The following IGFL2 variants were observed in gnomAD, a reference collection of about 807,000 sequenced individuals.
The protein encoded by IGFL2 is insulin growth factor-like family member 2.
A neutral mutation model predicts 13.9 loss-of-function variants in IGFL2; 7 were observed. The observed-to-expected ratio is 0.51, with a 90% CI of 0.29 to 0.95. The LOEUF (loss-of-function observed/expected upper bound fraction) is 0.95, where lower values mean the gene tolerates loss of function less well. IGFL2 is among the 40% of genes least tolerant of loss of function. The probability of loss-of-function intolerance (pLI) is 0.08; values close to 1 mark genes in which losing one functional copy is unlikely to be tolerated. For missense variants in IGFL2, 138 were observed against 147.8 expected (o/e 0.93, Z 0.34); for synonymous variants, 55 against 55.8 (o/e 0.99, Z 0.07).
the IGFL2 span, among the ~76,000 whole-genome samples, chr19:46,188,016 T>C: frequency 4.1e-4 from 62 of 152,354 alleles, no homozygotes; most frequent in African/African-American, 1.3e-3. Context: ...GTTTTTAAAT[T>C]TGAAAAATCG....
the IGFL2 span, among the ~76,000 whole-genome samples, chr19:46,178,673 A>G: frequency 7.9e-5 from 12 of 152,214 alleles, no homozygotes; most frequent in Admixed American, 7.9e-4. Flanking sequence ...CGCAAGCATT[A>G]CTTTCTACTG....
the IGFL2 span, among the ~76,000 whole-genome samples, chr19:46,192,041 C>G: frequency 6.6e-6 from 1 of 152,202 alleles, no homozygotes; most frequent in Non-Finnish European, 1.5e-5. Context: ...TCCTTTTCCA[C>G]TCTAAGCCCT....
At chr19:46,214,814 G>A in the IGFL2 span, 1 of 152,234 alleles carries the variant, frequency 6.6e-6, no homozygotes, top group Middle Eastern at 3.4e-3. Flanking sequence ...ATCTTATGTA[G>A]TAAGAATAAA....
intron 1 of IGFL2, chr19:46,159,988 A>C (rs1568432946): frequency 5.0e-6 from 1 of 199,924 alleles, no homozygotes; most frequent in African/African-American, 2.4e-5. Context: ...AAGCAAACAA[A>C]CAAAAAAAGA....
the IGFL2 span, among the ~76,000 whole-genome samples, chr19:46,204,561 C>T: frequency 2.0e-5 from 3 of 152,184 alleles, no homozygotes; most frequent in Non-Finnish European, 4.4e-5. Context: ...CAGCCCTGCT[C>T]CCTGTCCTCA....
At chr19:46,122,310 A>G in the IGFL2 span, among the ~76,000 whole-genome samples, 1 of 151,058 alleles carries the variant, frequency 6.6e-6, no homozygotes. Context: ...GAAACTTGTC[A>G]AAATATTTTT....
At chr19:46,135,315 T>C in the IGFL2 span, among the ~76,000 whole-genome samples, 9 of 152,342 alleles carry the variant, frequency 5.9e-5, no homozygotes, top group South Asian at 2.1e-4. Flanking sequence ...TTGATGATCA[T>C]GTCTCCTTTG....
chr19:46,205,358 T>C, the IGFL2 span, among the ~76,000 whole-genome samples: 1 of 152,176 alleles, frequency 6.6e-6, no homozygotes, highest in Non-Finnish European at 1.5e-5. Flanking sequence ...AAATGGCAGC[T>C]CCATCTTCCC....
chr19:46,108,036 G>T, the IGFL2 span, among the ~76,000 whole-genome samples: 1 of 152,226 alleles, frequency 6.6e-6, no homozygotes, highest in Non-Finnish European at 1.5e-5. Flanking sequence ...GTACAAAACT[G>T]TAAGCCAGAC....
At chr19:46,137,278 A>G in the IGFL2 span, 29 of 1,194,850 alleles carry the variant, frequency 2.4e-5, no homozygotes, top group Non-Finnish European at 3.5e-5. Flanking sequence ...GCATGTCAGG[A>G]TGCGTACACC....
the IGFL2 span, chr19:46,209,996 G>A: frequency 1.1e-4 from 17 of 152,300 alleles, no homozygotes; most frequent in Admixed American, 7.8e-4. Context: ...GGGGCTGCAG[G>A]GGGGGAGCGG....
At chr19:46,090,904 A>G in the IGFL2 span, among the ~76,000 whole-genome samples, 4 of 152,168 alleles carry the variant, frequency 2.6e-5, no homozygotes, top group Non-Finnish European at 5.9e-5. Flanking sequence ...AAGATCCAGT[A>G]TTAGGGTCCA....
At chr19:46,164,730 T>G (rs1057428728), downstream of IGFL2, 6 of 152,170 alleles carry the variant, frequency 3.9e-5, no homozygotes, top group African/African-American at 9.7e-5. Flanking sequence ...CTGACCTGAG[T>G]AGATGGAGTG....
the IGFL2 span, among the ~76,000 whole-genome samples, chr19:46,125,558 C>A: frequency 6.6e-6 from 1 of 152,218 alleles, no homozygotes; most frequent in African/African-American, 2.4e-5. Context: ...CAGAAAATGT[C>A]TAAGGATTGG....
chr19:46,193,833 A>G, the IGFL2 span, among the ~76,000 whole-genome samples: 1 of 152,172 alleles, frequency 6.6e-6, no homozygotes, highest in South Asian at 2.1e-4. Flanking sequence ...CTAGGCTGCT[A>G]TCAGTTCAGG....
At chr19:46,103,308 GA>G in the IGFL2 span, among the ~76,000 whole-genome samples, 3 of 152,100 alleles carry the variant, frequency 2.0e-5, no homozygotes, top group Non-Finnish European at 4.4e-5. Context: ...GGAGGAAAAA[GA>G]AATGCAAAGC....
At chr19:46,152,037 ATTCTT>A (rs1411010000) in intron 1 of IGFL2, among the ~76,000 whole-genome samples, 1 of 152,116 alleles carries the variant, frequency 6.6e-6, no homozygotes, top group Non-Finnish European at 1.5e-5. Context: ...CATATTCTTA[ATTCTT>A]TTCAACAATG....
upstream of IGFL2, among the ~76,000 whole-genome samples, chr19:46,144,220 A>G (rs1972999652): frequency 6.6e-6 from 1 of 152,238 alleles, no homozygotes; most frequent in Non-Finnish European, 1.5e-5. Flanking sequence ...AACCTTATTT[A>G]TGGATACTGA....
the IGFL2 span, among the ~76,000 whole-genome samples, chr19:46,178,001 G>A: frequency 2.6e-5 from 4 of 152,064 alleles, no homozygotes; most frequent in African/African-American, 7.2e-5. Flanking sequence ...GAGCGTGGCC[G>A]GGTGCGGTGG....
Sources: gnomAD v4.1 joint callset for allele counts (sites outside exome capture counted in the v4.1 genomes callset) on GRCh38, gnomAD v4.1.1 for gene constraint, MANE v1.5 for transcripts, NCBI Gene and HGNC (gene_info 2026-07-23, HGNC 2026-07-21) for gene names.